The following ANKRD18B variants were observed in gnomAD, a reference collection of about 807,000 sequenced individuals.
ANKRD18B encodes the protein ankyrin repeat domain-containing protein 18B.
Under a neutral mutation model 111.8 loss-of-function variants are expected in ANKRD18B, and 75 were observed. The ratio of observed to expected loss-of-function variants is 0.67; its 90% CI spans 0.56 to 0.81. ANKRD18B has a LOEUF of 0.81. Among genes scored for constraint, ANKRD18B ranks in the 40% least tolerant of loss-of-function variants. The pLI is 0.00. For missense variants in ANKRD18B, 1,038 were observed against 1,225.5 expected, an observed-to-expected ratio of 0.85 and a Z score of 2.28; for synonymous variants, 356 against 417.3, an observed-to-expected ratio of 0.85 and a Z score of 1.79.
At chr9:33,572,200 A>G in intron 18 of ANKRD18B, 116 bp from the exon 19 acceptor site, 1 of 763,398 alleles carries the variant, frequency 1.3e-6, no homozygotes. Context: ...AATTGCACGT[A>G]CATATTTCTC....
At chr9:33,542,782 AT>A (rs894696645) in intron 9 of ANKRD18B, among the ~76,000 whole-genome samples, 1 of 152,196 alleles carries the variant, frequency 6.6e-6, no homozygotes, top group Non-Finnish European at 1.5e-5. Context: ...AGTAACAAAA[AT>A]TTTGCAAATT....
At chr9:33,550,212 T>G (rs12375557) in intron 11 of ANKRD18B, among the ~76,000 whole-genome samples, 38,870 of 151,902 alleles carry the variant, frequency 0.26, 5,590 homozygotes, top group Non-Finnish European at 0.33. Context: ...GCGGGCTGGA[T>G]CAATCTGTCA....
At chr9:33,557,023 AC>A (rs1357181529) in intron 13 of ANKRD18B, among the ~76,000 whole-genome samples, 18 of 152,238 alleles carry the variant, frequency 1.2e-4, no homozygotes, top group African/African-American at 4.1e-4. Flanking sequence ...GAACACAGCT[AC>A]TTTTCCATGT....
chr9:33,560,895 G>A (rs1014679292), intron 14 of ANKRD18B, among the ~76,000 whole-genome samples: 2 of 152,176 alleles, frequency 1.3e-5, no homozygotes, highest in Admixed American at 6.5e-5. Flanking sequence ...GACCCAGGAG[G>A]CAGAGGTTGC....
intron 11 of ANKRD18B, 63 bp from the exon 12 acceptor site, chr9:33,550,367 A>C: frequency 6.9e-7 from 1 of 1,439,102 alleles, no homozygotes; most frequent in Non-Finnish European, 9.3e-7. Context: ...TGCTAGAGTT[A>C]AATATTAACA....
Position 33,548,339 on chromosome 9 carries a change from A to T in ANKRD18B, c.1551A>T (p.Leu517Phe). ...AAAGAAAAGACCTAGAACTAGTTTT[A>T]TGGAGAGCAGATGATGTTTCTAGAC... ...ILERKDLELVLWRADDVSRHE... is the reference protein window; with the variant it reads ...ILERKDLELVFWRADDVSRHE... The change falls in exon 11 of 19, where the codon TTA becomes TTT. Residue 517 changes from leucine (L) to phenylalanine (F), a missense_variant. Leu to Phe is a conservative substitution (Grantham distance 22). This residue lies in a region of ANKRD18B where 205 missense variants were observed against 201.3 expected (regional missense o/e 1.02). Coordinates refer to ENST00000684830, the MANE Select transcript of ANKRD18B (RefSeq NM_001393611.1). 6.5e-7 allele frequency: 1 copy of T among 1,549,888 alleles called. No individual in the cohort carries two copies. The highest frequency in any genetic ancestry group is 8.7e-7 in the Non-Finnish European group (1 of 1,146,204).
At chr9:33,525,151 G>A (rs1828008552) in intron 1 of ANKRD18B, among the ~76,000 whole-genome samples, 1 of 152,096 alleles carries the variant, frequency 6.6e-6, no homozygotes, top group Non-Finnish European at 1.5e-5. Context: ...CTCTTAATAT[G>A]TTTATCAGTT....
chr9:33,572,316 C>T lies in ANKRD18B; in HGVS notation c.3224C>T (p.Thr1075Ile), dbSNP rs757730165. 2.4e-5 allele frequency: 38 copies of T among 1,601,462 alleles called. No individual in the cohort carries two copies. The highest frequency in any genetic ancestry group is 3.2e-5 in the Non-Finnish European group (37 of 1,170,734). ...AEQIITETKK[T>I]FAALGPCSYL... The stretch of plus-strand genomic sequence containing the variant: ...CATAATCCTTTCTTTTTCTTTCCAG[C>T]TTTTGCTGCGTTGGGCCCTTGCTCC... Residue 1075 changes from threonine to isoleucine, a missense_variant and splice_region_variant, in exon 19 of 19, where the codon ACT (threonine) becomes ATT (isoleucine). Coordinates refer to ENST00000684830, the MANE Select transcript of ANKRD18B (RefSeq NM_001393611.1).
At chr9:33,536,147 T>C (rs1383862220) in intron 5 of ANKRD18B, among the ~76,000 whole-genome samples, 1 of 151,956 alleles carries the variant, frequency 6.6e-6, no homozygotes, top group Non-Finnish European at 1.5e-5. Context: ...CACCTATTAG[T>C]TTTCTGCCCT....
In ANKRD18B at chr9:33,567,167, A is replaced by G. The variant is rs1023662017; in HGVS notation, c.2807A>G (p.Lys936Arg). The G allele has an allele frequency of 1.3e-6, 2 of 1,548,862 alleles. No individual in the cohort carries two copies. The highest frequency in any genetic ancestry group is 1.2e-5 in the South Asian group (1 of 83,264). The change falls in exon 16 of 19, where the codon AAG becomes AGG. Residue 936 changes from lysine to arginine, a missense_variant. Lys to Arg is a conservative substitution (Grantham distance 26). Coordinates refer to ENST00000684830, the MANE Select transcript of ANKRD18B (RefSeq NM_001393611.1). ...LNKDNTASLKKKELTLKDVEC... is the reference protein window; with the variant it reads ...LNKDNTASLKRKELTLKDVEC... ...AAGGATAATACGGCTTCACTAAAAA[A>G]GAAGGAACTCACACTTAAAGATGTG...
At chr9:33,540,764 G>A (rs966900319) in intron 8 of ANKRD18B, among the ~76,000 whole-genome samples, 8 of 151,992 alleles carry the variant, frequency 5.3e-5, no homozygotes, top group Non-Finnish European at 8.8e-5. Flanking sequence ...GGTCTCTGTC[G>A]TAGCTACTCA....
At chr9:33,532,564 AGATAAAAATCTATCCTCTTGCATTAG>A (rs917908034) in intron 3 of ANKRD18B, among the ~76,000 whole-genome samples, 2 of 152,224 alleles carry the variant, frequency 1.3e-5, no homozygotes, top group Admixed American at 1.3e-4. Context: ...CTAATAGTTA[AGATAAAAATCTATCCTCTTGCATTAG>A]GAGAAATCCC....
intron 15 of ANKRD18B, among the ~76,000 whole-genome samples, chr9:33,566,770 C>G (rs1403307753): frequency 1.3e-5 from 2 of 152,042 alleles, no homozygotes; most frequent in Non-Finnish European, 2.9e-5. Context: ...TAAGAGAAAA[C>G]TGTGATTTAG....
intron 14 of ANKRD18B, among the ~76,000 whole-genome samples, chr9:33,564,995 A>G (rs970963287): frequency 1.1e-4 from 17 of 152,132 alleles, no homozygotes; most frequent in South Asian, 2.1e-4. Flanking sequence ...GTTTTCTTCC[A>G]TTCTACAGGT....
chr9:33,550,894 T>G (rs1385348827), intron 12 of ANKRD18B, among the ~76,000 whole-genome samples: 1 of 152,176 alleles, frequency 6.6e-6, no homozygotes, highest in Non-Finnish European at 1.5e-5. Flanking sequence ...CTTAATGCCT[T>G]GGTGAGGCAA....
rs186729705 is a variant in ANKRD18B, at chr9:33,559,692, C to T, written c.2460+1505C>T. On this transcript the variant is annotated intron_variant, in intron 14 of 18. Coordinates refer to ENST00000684830, the MANE Select transcript of ANKRD18B (RefSeq NM_001393611.1). ...TGTATATATTTTTCTATACAAAAGA[C>T]GTGCTGTTGATTCTCTTATGTCTTG... Among the ~76,000 whole-genome samples the T allele has an allele frequency of 4.0e-4, 61 of 152,114 alleles. 1 individual carries two copies. The highest frequency in any genetic ancestry group is 1.3e-3 in the African/African-American group (55 of 41,502).
rs188146405 is a variant in ANKRD18B at position 33,570,996 on chromosome 9, C to T, written c.3178-250C>T. On this transcript the variant is annotated intron_variant, in intron 17 of 18. Coordinates refer to ENST00000684830, the MANE Select transcript of ANKRD18B (RefSeq NM_001393611.1). ...TCTAAAATTATGTATATCCGATAGA[C>T]CAATATTATCTATTTTTGTCAGATT... 1.6e-4 allele frequency among the ~76,000 whole-genome samples: 24 copies of T among 152,212 alleles called. 1 individual carries two copies. Among genetic ancestry groups the T allele is most frequent in the Admixed American group, 1.2e-3 (19 of 15,284 alleles).
chr9:33,555,222 A>C (rs2118088478), intron 12 of ANKRD18B, among the ~76,000 whole-genome samples: 1 of 152,354 alleles, frequency 6.6e-6, no homozygotes, highest in East Asian at 1.9e-4. Context: ...TGAAACCTAC[A>C]GGTGAATACT....
At chr9:33,531,675 AG>A (rs1828119513) in intron 3 of ANKRD18B, among the ~76,000 whole-genome samples, 4 of 150,670 alleles carry the variant, frequency 2.7e-5, no homozygotes, top group Admixed American at 2.6e-4. Context: ...CCTTTTTTAT[AG>A]TATATTTTCA....
Sources: gnomAD v4.1 joint callset for allele counts (sites outside exome capture counted in the v4.1 genomes callset) on GRCh38, gnomAD v4.1.1 for gene constraint, gnomAD v4.1.1 regional missense constraint, MANE v1.5 for transcripts, NCBI Gene and HGNC (gene_info 2026-07-23, HGNC 2026-07-21) for gene names.